Variants in ZNF502 observed in about 807,000 individuals in gnomAD.
The protein encoded by ZNF502 is zinc finger protein 502.
A neutral mutation model predicts 43.6 loss-of-function variants in ZNF502; 29 were observed. The ratio of observed to expected loss-of-function variants is 0.67; its 90% CI spans 0.50 to 0.91. ZNF502 has a LOEUF of 0.91. Ranked by LOEUF, ZNF502 falls within the 40% of genes least tolerant of loss-of-function variation. The probability of loss-of-function intolerance (pLI) is 0.00; values close to 1 mark genes in which losing one functional copy is unlikely to be tolerated. For missense variants in ZNF502, 591 were observed against 647.2 expected (o/e 0.91, Z 0.94); for synonymous variants, 171 against 207.4 (o/e 0.82, Z 1.51).
chr3:44,717,944 C>T (rs1464261484), intron 1 of ZNF502, among the ~76,000 whole-genome samples: 1 of 152,160 alleles, frequency 6.6e-6, no homozygotes, highest in Admixed American at 6.5e-5. Flanking sequence ...AGCTACCTCA[C>T]CTTGCTGGGA....
chr3:44,722,826 A>T lies in ZNF502; in HGVS notation c.*374A>T. ...GCTGGCAGGTTGAGATGTTTTTCTT[A>T]AACACTGCCTGTCAGTGTGAAGTGG... On this transcript the variant is annotated 3_prime_UTR_variant, in exon 3 of 3. Coordinates refer to ENST00000436624, the MANE Select transcript of ZNF502 (RefSeq NM_001134442.3). 2 of 201,958 alleles carry T rather than the reference A, an allele frequency of 9.9e-6. No individual in the cohort carries two copies. The highest frequency in any genetic ancestry group is 2.0e-5 in the Non-Finnish European group (2 of 98,482). The allele number at this position is 201,958 out of a possible 1,614,324, so 12.5% of individuals were successfully genotyped here.
intron 1 of ZNF502, 116 bp downstream of exon 1, chr3:44,712,856 T>G (rs1704054191): frequency 6.6e-6 from 1 of 152,462 alleles, no homozygotes; most frequent in Admixed American, 6.5e-5. Context: ...CTCTCCACGT[T>G]GCTGCCTACG....
intron 1 of ZNF502, chr3:44,714,754 CTT>C (rs1704102010): frequency 1.3e-5 from 2 of 152,166 alleles, no homozygotes; most frequent in African/African-American, 4.8e-5. Flanking sequence ...GAGTAGATAT[CTT>C]TTTGAATGCT....
chr3:44,723,074 G>A lies in ZNF502; in HGVS notation c.*622G>A, dbSNP rs1006540161. ...CTCTATAGATCTGCCAGTAAAGAAG[G>A]CTTTCTTTCATTATCAGGGTGAAGG... On this transcript the variant is annotated 3_prime_UTR_variant, in exon 3 of 3. Coordinates refer to ENST00000436624, the MANE Select transcript of ZNF502 (RefSeq NM_001134442.3). The A allele has an allele frequency of 6.6e-6, 1 of 151,996 alleles. No individual in the cohort carries two copies. Among genetic ancestry groups the A allele is most frequent in the Non-Finnish European group, 1.5e-5 (1 of 68,028 alleles). 9.4% of individuals were successfully genotyped at this position (151,996 alleles called of 1,614,324 possible).
rs766175092 is a variant in ZNF502 at position 44,721,217 on chromosome 3, A to G, written c.400A>G (p.Ile134Val). 3 of 1,614,186 alleles carry G rather than the reference A, an allele frequency of 1.9e-6. No individual in the cohort carries two copies. Among genetic ancestry groups the G allele is most frequent in the Admixed American group, 3.3e-5 (2 of 60,028 alleles). ...ESLHQWETSNIQTNDISDQSK... is the reference protein window; with the variant it reads ...ESLHQWETSNVQTNDISDQSK... The stretch of plus-strand genomic sequence containing the variant: ...TCTGCATCAGTGGGAAACAAGTAAT[A>G]TACAAACCAATGATATTTCAGACCA... The change falls in exon 3 of 3, where the codon ATA becomes GTA. Residue 134 changes from isoleucine to valine, a missense_variant. By Grantham distance (29) the Ile-to-Val change is conservative. Transcript: ENST00000436624.
intron 2 of ZNF502, among the ~76,000 whole-genome samples, 161 bp downstream of exon 2, chr3:44,720,477 C>T (rs529249042): frequency 6.6e-6 from 1 of 152,280 alleles, no homozygotes; most frequent in East Asian, 1.9e-4. Context: ...GCCAACTTTT[C>T]CCCAGTACTA....
chr3:44,720,744 C>A, intron 2 of ZNF502, 129 bp from the exon 3 acceptor site: 2 of 1,021,370 alleles, frequency 2.0e-6, no homozygotes, highest in Non-Finnish European at 2.8e-6. Flanking sequence ...AACTTACTTG[C>A]CACACTTGCT....
At chr3:44,718,528 C>G (rs1009558518) in intron 1 of ZNF502, among the ~76,000 whole-genome samples, 1 of 152,204 alleles carries the variant, frequency 6.6e-6, no homozygotes, top group Non-Finnish European at 1.5e-5. Context: ...TCTGTTTGAA[C>G]TGGCTTGCCT....
chr3:44,717,953 G>A (rs1269338475), intron 1 of ZNF502, among the ~76,000 whole-genome samples: 3 of 152,090 alleles, frequency 2.0e-5, no homozygotes, highest in Non-Finnish European at 4.4e-5. Flanking sequence ...ACCTTGCTGG[G>A]ATTAGAGATC....
intron 1 of ZNF502, among the ~76,000 whole-genome samples, chr3:44,715,163 A>G (rs1704112181): frequency 1.3e-5 from 2 of 152,144 alleles, no homozygotes; most frequent in African/African-American, 4.8e-5. Context: ...TCTTTTTTAA[A>G]TGTGTGTGTT....
chr3:44,713,348 T>C (rs1204271475), intron 1 of ZNF502, among the ~76,000 whole-genome samples: 2 of 152,170 alleles, frequency 1.3e-5, no homozygotes, highest in African/African-American at 2.4e-5. Context: ...TGCCAAACAT[T>C]ACCCCGAATT....
chr3:44,720,345 G>A (rs1299252320), intron 2 of ZNF502, 29 bp downstream of exon 2: 2 of 1,611,342 alleles, frequency 1.2e-6, no homozygotes, highest in Admixed American at 3.3e-5. Context: ...AGCAGTGGGA[G>A]AAATAGTCAG....
chr3:44,719,214 C>T (rs1704236430), intron 1 of ZNF502, among the ~76,000 whole-genome samples: 1 of 152,172 alleles, frequency 6.6e-6, no homozygotes, highest in African/African-American at 2.4e-5. Context: ...CTCAGGTGAT[C>T]CGCCTGCCTC....
intron 2 of ZNF502, among the ~76,000 whole-genome samples, 164 bp downstream of exon 2, chr3:44,720,480 C>T (rs372175250): frequency 5.1e-4 from 78 of 152,234 alleles, no homozygotes; most frequent in African/African-American, 1.8e-3. Context: ...AACTTTTCCC[C>T]AGTACTAATT....
At chr3:44,716,827 T>C (rs960323963) in intron 1 of ZNF502, among the ~76,000 whole-genome samples, 2 of 152,232 alleles carry the variant, frequency 1.3e-5, no homozygotes, top group African/African-American at 2.4e-5. Flanking sequence ...AGATGGAACA[T>C]TGTTTTGATA....
At chr3:44,715,362 T>G (rs1467914800) in intron 1 of ZNF502, among the ~76,000 whole-genome samples, 2 of 152,232 alleles carry the variant, frequency 1.3e-5, no homozygotes, top group Non-Finnish European at 2.9e-5. Context: ...AATGTTTATT[T>G]GCCTGTTTAT....
chr3:44,722,417 C>A lies in ZNF502; in HGVS notation c.1600C>A (p.Leu534Ile). Residue 534 changes from leucine to isoleucine, a missense_variant, in exon 3 of 3, where the codon CTT (leucine) becomes ATT (isoleucine). By Grantham distance (5) the Leu-to-Ile change is conservative (BLOSUM62 2). Coordinates refer to ENST00000436624, the MANE Select transcript of ZNF502 (RefSeq NM_001134442.3). Reference protein sequence around the residue: ...CGKFFRHSSVLFRHQKLHSGD With the variant: ...CGKFFRHSSVIFRHQKLHSGD ...AAAGTTCTTCAGACATAGTTCAGTC[C>A]TTTTCAGACATCAGAAACTTCACAG... The A allele has an allele frequency of 1.2e-6, 2 of 1,613,326 alleles. No homozygotes were observed. Among genetic ancestry groups the A allele is most frequent in the Middle Eastern group, 1.7e-4 (1 of 6,050 alleles).
At chr3:44,715,887 C>T (rs1458794629) in intron 1 of ZNF502, among the ~76,000 whole-genome samples, 1 of 152,058 alleles carries the variant, frequency 6.6e-6, no homozygotes, top group Non-Finnish European at 1.5e-5. Flanking sequence ...ATATATTTTA[C>T]ATTATATTAC....
At position 44,721,860 on chromosome 3, in the gene ZNF502, A is replaced by G; in HGVS notation, c.1043A>G (p.Glu348Gly). ...LSQHQRIHSG[E>G]KPYKCKECGK... The stretch of plus-strand genomic sequence containing the variant: ...CAGCATCAGAGAATTCATAGTGGAG[A>G]GAAACCCTATAAATGTAAAGAATGT... The change falls in exon 3 of 3, where the codon GAG becomes GGG. Residue 348 changes from glutamate (E) to glycine (G), a missense_variant. By Grantham distance (98) the Glu-to-Gly change is moderately conservative. Transcript: ENST00000436624. 6.2e-7 allele frequency: 1 copy of G among 1,614,108 alleles called. No individual in the cohort carries two copies. The highest frequency in any genetic ancestry group is 1.1e-5 in the South Asian group (1 of 91,074).
Sources: allele counts gnomAD v4.1 joint callset (sites outside exome capture counted in the v4.1 genomes callset), GRCh38; gene constraint gnomAD v4.1.1; transcripts MANE v1.5; gene names NCBI Gene and HGNC (gene_info 2026-07-23, HGNC 2026-07-21).